Variants in DAD1 observed in about 807,000 individuals in gnomAD.
DAD1 encodes defender against cell death 1.
Under a neutral mutation model 9.0 loss-of-function variants are expected in DAD1, and 4 were observed. That is an observed-to-expected ratio of 0.44 (90% CI 0.22 to 1.01). DAD1 has a LOEUF of 1.01. Among genes scored for constraint, DAD1 ranks in the 50% least tolerant of loss-of-function variants. The pLI is 0.24. For synonymous variants in DAD1, 60 were observed against 62.5 expected (o/e 0.96, Z 0.19); for missense variants, 119 against 137.3 (o/e 0.87, Z 0.67).
rs532920203 is a variant in DAD1, at chr14:22,578,241, G to T, written c.212-3008C>A. ...GCACTCTAGCATGGGCAACAAGAGC[G>T]AAACTCCATCTAAAAAAAAAAAAAT... On this transcript the variant is annotated intron_variant, in intron 1 of 2. Transcript: ENST00000250498. Among the ~76,000 whole-genome samples, 6 of 142,712 alleles carry T rather than the reference G, an allele frequency of 4.2e-5. No individual in the cohort carries two copies. In the East Asian group the frequency reaches 8.3e-4, roughly 20 times the overall value. 93.6% of individuals were successfully genotyped at this position (142,712 alleles called of 152,430 possible).
At chr14:22,578,558 G>A (rs1338059707) in intron 1 of DAD1, among the ~76,000 whole-genome samples, 4 of 152,140 alleles carry the variant, frequency 2.6e-5, no homozygotes, top group Non-Finnish European at 5.9e-5. Flanking sequence ...GAGAGACTCC[G>A]TCTCAAAACA....
chr14:22,565,438 C>T (rs1052885148), intron 2 of DAD1, among the ~76,000 whole-genome samples: 2 of 149,156 alleles, frequency 1.3e-5, no homozygotes, highest in Non-Finnish European at 2.9e-5. Context: ...CAAGACTTCA[C>T]ATAAGTCACT....
chr14:22,581,672 G>A (rs139499275), intron 1 of DAD1, among the ~76,000 whole-genome samples: 2,211 of 150,734 alleles, frequency 0.015, 34 homozygotes, highest in Non-Finnish European at 0.022. Context: ...GAACCCGGGA[G>A]GCGGAAGTTG....
At chr14:22,575,831 G>C (rs2037073157) in intron 1 of DAD1, among the ~76,000 whole-genome samples, 1 of 152,178 alleles carries the variant, frequency 6.6e-6, no homozygotes, top group Non-Finnish European at 1.5e-5. Context: ...ACAGGCATGA[G>C]CCACCGTGCC....
chr14:22,582,126 G>C (rs986911900), intron 1 of DAD1, among the ~76,000 whole-genome samples: 1 of 152,018 alleles, frequency 6.6e-6, no homozygotes, highest in Non-Finnish European at 1.5e-5. Flanking sequence ...AGAATCGCTT[G>C]AACTCCAAGG....
At chr14:22,577,337 G>A (rs1429246220) in intron 1 of DAD1, among the ~76,000 whole-genome samples, 1 of 152,190 alleles carries the variant, frequency 6.6e-6, no homozygotes, top group African/African-American at 2.4e-5. Flanking sequence ...GGGAAGCTGA[G>A]GCAGAAGAAT....
At chr14:22,580,079 A>T (rs2037105549) in intron 1 of DAD1, among the ~76,000 whole-genome samples, 1 of 151,726 alleles carries the variant, frequency 6.6e-6, no homozygotes, top group South Asian at 2.1e-4. Context: ...CTGCTTGCCT[A>T]AGGGTAGGGA....
intron 1 of DAD1, among the ~76,000 whole-genome samples, chr14:22,582,131 C>T (rs1181142899): frequency 6.6e-6 from 1 of 151,962 alleles, no homozygotes; most frequent in Non-Finnish European, 1.5e-5. Context: ...CGCTTGAACT[C>T]CAAGGGCGGA....
chr14:22,579,840 C>CTT (rs34081969), intron 1 of DAD1, among the ~76,000 whole-genome samples: 37,170 of 128,980 alleles, frequency 0.29, 6,089 homozygotes, highest in Middle Eastern at 0.33. Flanking sequence ...AAAGCCAATC[C>CTT]TTTTTTTTTT....
chr14:22,576,922 A>AT (rs1370627103), intron 1 of DAD1, among the ~76,000 whole-genome samples: 1 of 152,198 alleles, frequency 6.6e-6, no homozygotes, highest in Admixed American at 6.5e-5. Context: ...TTACAACGAG[A>AT]TATCACCTCA....
intron 1 of DAD1, among the ~76,000 whole-genome samples, chr14:22,585,973 G>A (rs577988055): frequency 9.2e-5 from 14 of 152,284 alleles, no homozygotes; most frequent in African/African-American, 2.9e-4. Flanking sequence ...TTAGGAGGCC[G>A]AGGCGGGCGA....
At chr14:22,583,738 G>A (rs1267735742) in intron 1 of DAD1, among the ~76,000 whole-genome samples, 1 of 152,078 alleles carries the variant, frequency 6.6e-6, no homozygotes, top group African/African-American at 2.4e-5. Flanking sequence ...GTGAGCAAGG[G>A]AAGACTGGAT....
intron 1 of DAD1, among the ~76,000 whole-genome samples, chr14:22,587,488 G>A (rs2037161573): frequency 6.6e-6 from 1 of 152,190 alleles, no homozygotes; most frequent in Non-Finnish European, 1.5e-5. Context: ...TATCTGGTCG[G>A]ATGATGGTTA....
chr14:22,577,226 G>T (rs1001040106), intron 1 of DAD1, among the ~76,000 whole-genome samples: 2 of 152,146 alleles, frequency 1.3e-5, no homozygotes, highest in African/African-American at 4.8e-5. Context: ...CCGAGGTCAG[G>T]AGTTCGAGAC....
rs750472454 is a variant in DAD1, at chr14:22,588,932, T to C, written c.211+15A>G. ...AGTAACACATTATTATTATGATCAC[T>C]TATAGAACCATTACCCGCTAGGATG... On this transcript the variant is annotated intron_variant, in intron 1 of 2. Transcript: ENST00000250498. 2 of 1,613,358 alleles carry C rather than the reference T, an allele frequency of 1.2e-6. No individual in the cohort carries two copies. Among genetic ancestry groups the C allele is most frequent in the Admixed American group, 3.3e-5 (2 of 59,970 alleles).
At chr14:22,582,488 C>T (rs911871589) in intron 1 of DAD1, among the ~76,000 whole-genome samples, 5 of 151,928 alleles carry the variant, frequency 3.3e-5, no homozygotes, top group Admixed American at 3.3e-4. Flanking sequence ...CGCGCCACTG[C>T]ACTCCAGCCT....
At chr14:22,584,280 G>C (rs1307958103) in intron 1 of DAD1, among the ~76,000 whole-genome samples, 1 of 152,084 alleles carries the variant, frequency 6.6e-6, no homozygotes, top group Non-Finnish European at 1.5e-5. Context: ...GACAGCCCCT[G>C]CCCTCAAGGG....
At chr14:22,576,473 A>T (rs920598022) in intron 1 of DAD1, among the ~76,000 whole-genome samples, 1 of 152,214 alleles carries the variant, frequency 6.6e-6, no homozygotes, top group Non-Finnish European at 1.5e-5. Context: ...GAAACGGATC[A>T]AAGACCTAAA....
At chr14:22,581,507 C>G (rs559483345) in intron 1 of DAD1, among the ~76,000 whole-genome samples, 1 of 151,926 alleles carries the variant, frequency 6.6e-6, no homozygotes, top group East Asian at 1.9e-4. Context: ...TTTGGGAGGT[C>G]GAGGCGGGTG....
Sources: allele counts gnomAD v4.1 joint callset (sites outside exome capture counted in the v4.1 genomes callset), GRCh38; gene constraint gnomAD v4.1.1; transcripts MANE v1.5; gene names NCBI Gene and HGNC (gene_info 2026-07-23, HGNC 2026-07-21).